LRRC57: variants seen among roughly 807,000 people sequenced by gnomAD.
LRRC57 encodes leucine rich repeat containing 57.
In LRRC57, 14 loss-of-function variants were observed where a neutral mutation model predicts 23.1. The observed-to-expected ratio is 0.61, with a 90% confidence interval of 0.40 to 0.95. The LOEUF is 0.95. Ranked by LOEUF, LRRC57 falls within the 40% of genes least tolerant of loss-of-function variation. The pLI, the probability that LRRC57 is intolerant of heterozygous loss-of-function variation, is 0.00. For synonymous variants in LRRC57, 106 were observed against 115.2 expected, an observed-to-expected ratio of 0.92 and a Z score of 0.51; for missense variants, 236 against 284.4, an observed-to-expected ratio of 0.83 and a Z score of 1.22.
downstream of LRRC57, among the ~76,000 whole-genome samples, chr15:42,536,377 G>T (rs1004531440): frequency 1.3e-5 from 2 of 152,178 alleles, no homozygotes; most frequent in African/African-American, 4.8e-5. Context: ...TGGTAACACA[G>T]GTAAAGCACT....
the LRRC57 span, among the ~76,000 whole-genome samples, chr15:42,530,995 C>T: frequency 6.6e-6 from 1 of 152,108 alleles, no homozygotes; most frequent in East Asian, 1.9e-4. Flanking sequence ...TCAGTCTCTC[C>T]AGGTTAGACT....
At position 42,545,081 on chromosome 15, in the gene LRRC57, T is replaced by C. The variant is rs1595539223; in HGVS notation, c.674A>G (p.Asp225Gly). Residue 225 changes from aspartate (D) to glycine (G), a missense_variant, in exon 5 of 6, where the codon GAT (aspartate) becomes GGT (glycine). By Grantham distance (94) the Asp-to-Gly change is moderately conservative (BLOSUM62 -1). Coordinates refer to ENST00000397130, the MANE Select transcript of LRRC57 (RefSeq NM_153260.3). ...IKKLRELEGY[D>G]KYMERFTATK... ...CAGAAGTACATTAATTCATACCTTA[T>C]CATAGCCTTCCAGTTCTCGAAGTTT... The C allele has an allele frequency of 6.3e-7, 1 of 1,594,290 alleles. No homozygotes were observed. The highest frequency in any genetic ancestry group is 8.5e-7 in the Non-Finnish European group (1 of 1,172,062).
At position 42,548,182 on chromosome 15, in the gene LRRC57, C is replaced by CTTGT; in HGVS notation, c.143_146dup (p.Ile50GlnfsTer31). On this transcript the variant is annotated frameshift_variant, in exon 3 of 6. Transcript: ENST00000397130. LOFTEE classifies it high-confidence loss of function. Reference sequence around the variant, plus strand: ...TCAGCAAAGGCGGTAGGCTTTCGATCTTGTTGTTGGACAAGTCGATGGTCC... The same window carrying CTTGT: ...TCAGCAAAGGCGGTAGGCTTTCGATCTTGTTTGTTGTTGGACAAGTCGATGGTCC... The CTTGT allele has an allele frequency of 6.2e-7, 1 of 1,614,232 alleles. No individual in the cohort carries two copies. Among genetic ancestry groups the CTTGT allele is most frequent in the Non-Finnish European group, 8.5e-7 (1 of 1,180,042 alleles).
In LRRC57 at chr15:42,539,896, T is replaced by G. The variant is rs1010387855; in HGVS notation, c.*4187A>C. 6.6e-6 allele frequency: 1 copy of G among 152,076 alleles called. No individual in the cohort carries two copies. The highest frequency in any genetic ancestry group is 3.4e-3 in the Middle Eastern group (1 of 290). The allele number at this position is 152,076 out of a possible 1,614,324, so 9.4% of individuals were successfully genotyped here. The stretch of plus-strand genomic sequence containing the variant: ...GGCTTAGACATACAGAATGAGCATA[T>G]TAATTAAGAGAGGGCAGGCTGGGCA... On this transcript the variant is annotated 3_prime_UTR_variant, in exon 6 of 6. Coordinates refer to ENST00000397130, the MANE Select transcript of LRRC57 (RefSeq NM_153260.3).
rs1419501651 is a variant in LRRC57, at chr15:42,543,414, A to G, written c.*669T>C. 1 of 151,748 alleles carries G rather than the reference A, an allele frequency of 6.6e-6. No individual in the cohort carries two copies. The highest frequency in any genetic ancestry group is 1.5e-5 in the Non-Finnish European group (1 of 67,936). 9.4% of individuals were successfully genotyped at this position (151,748 alleles called of 1,614,324 possible). A position where few individuals can be genotyped will look rare whatever the true frequency, so the allele number is the denominator to read the frequency against. ...AGGGTTTCCTCATGTTGGCCACGCT[A>G]GTCTTGAACTCCTAGCCTCAAGTGA... On this transcript the variant is annotated 3_prime_UTR_variant, in exon 6 of 6. Coordinates refer to ENST00000397130, the MANE Select transcript of LRRC57 (RefSeq NM_153260.3).
At chr15:42,531,237 A>G in the LRRC57 span, among the ~76,000 whole-genome samples, 1 of 152,216 alleles carries the variant, frequency 6.6e-6, no homozygotes, top group African/African-American at 2.4e-5. Flanking sequence ...TTTATATACC[A>G]GGGGTTTTCC....
chr15:42,529,253 CCT>C, the LRRC57 span, among the ~76,000 whole-genome samples: 2 of 152,172 alleles, frequency 1.3e-5, no homozygotes, highest in African/African-American at 4.8e-5. Flanking sequence ...AGTTTTCCAA[CCT>C]CTCTCTTAGG....
Position 42,539,626 on chromosome 15 carries a change from GAAA to G in LRRC57, c.*4454_*4456del, listed in dbSNP as rs960286261. On this transcript the variant is annotated 3_prime_UTR_variant, in exon 6 of 6. Coordinates refer to ENST00000397130, the MANE Select transcript of LRRC57 (RefSeq NM_153260.3). ...CACAGCAAGATCTGTCGCAAAAAAAGAAAAAAAAAATTAGGTGACTTGGACTAG... is the reference window on the plus strand; with the variant it reads ...CACAGCAAGATCTGTCGCAAAAAAAGAAAAAAATTAGGTGACTTGGACTAG... 1 of 148,900 alleles carries G rather than the reference GAAA, an allele frequency of 6.7e-6. No individual in the cohort carries two copies. The highest frequency in any genetic ancestry group is 1.5e-5 in the Non-Finnish European group (1 of 67,070). The allele number at this position is 148,900 out of a possible 1,614,324, so 9.2% of individuals were successfully genotyped here. A position where few individuals can be genotyped will look rare whatever the true frequency, so the allele number is the denominator to read the frequency against.
At chr15:42,544,841 A>AATATATATATATATAT (rs767685010) in intron 5 of LRRC57, among the ~76,000 whole-genome samples, 1 of 106,602 alleles carries the variant, frequency 9.4e-6, no homozygotes, top group Non-Finnish European at 1.9e-5. Flanking sequence ...ACACACACAC[A>AATATATATATATATAT]CTATATATAT....
rs2057635196 is a variant in LRRC57 at position 42,542,412 on chromosome 15, C to T, written c.*1671G>A. 1 of 152,216 alleles carries T rather than the reference C, an allele frequency of 6.6e-6. No homozygotes were observed. The highest frequency in any genetic ancestry group is 2.4e-5 in the African/African-American group (1 of 41,452). The allele number at this position is 152,216 out of a possible 1,614,324, so 9.4% of individuals were successfully genotyped here. A position where few individuals can be genotyped will look rare whatever the true frequency, so the allele number is the denominator to read the frequency against. On this transcript the variant is annotated 3_prime_UTR_variant, in exon 6 of 6. Coordinates refer to ENST00000397130, the MANE Select transcript of LRRC57 (RefSeq NM_153260.3). Reference sequence around the variant, plus strand: ...GTTTATGTCACATGAAGGCATTTCACTACTCATACAATCTGAACATAAGCA... The same window carrying T: ...GTTTATGTCACATGAAGGCATTTCATTACTCATACAATCTGAACATAAGCA...
chr15:42,543,986 A>G lies in LRRC57; in HGVS notation c.*97T>C. On this transcript the variant is annotated 3_prime_UTR_variant, in exon 6 of 6. Coordinates refer to ENST00000397130, the MANE Select transcript of LRRC57 (RefSeq NM_153260.3). The stretch of plus-strand genomic sequence containing the variant: ...TCCTGAAGTATCATCTCCTTACTGT[A>G]GATACCCCTAACAACAACAGGAGGC... The G allele has an allele frequency of 2.3e-6, 2 of 867,748 alleles. No homozygotes were observed. Among genetic ancestry groups the G allele is most frequent in the Non-Finnish European group, 1.9e-6 (1 of 528,328 alleles). 53.8% of individuals were successfully genotyped at this position (867,748 alleles called of 1,614,324 possible).
Position 42,544,055 on chromosome 15 carries a change from T to G in LRRC57, c.*28A>C. The G allele has an allele frequency of 6.2e-7, 1 of 1,607,414 alleles. No individual in the cohort carries two copies. Among genetic ancestry groups the G allele is most frequent in the Non-Finnish European group, 8.5e-7 (1 of 1,174,848 alleles). On this transcript the variant is annotated 3_prime_UTR_variant, in exon 6 of 6. Transcript: ENST00000397130. ...CAACAGAGGTTCTAAGTCAGTATCC[T>G]GTAAGGTTTCCATAGTCCTGGAGAA...
downstream of LRRC57, among the ~76,000 whole-genome samples, chr15:42,535,027 A>G (rs2057593463): frequency 6.6e-6 from 1 of 152,222 alleles, no homozygotes; most frequent in African/African-American, 2.4e-5. Flanking sequence ...CTAACAAGAG[A>G]GTCAGCCTGT....
rs1472463046 is a variant in LRRC57 at position 42,543,084 on chromosome 15, T to C, written c.*999A>G. 6.6e-6 allele frequency: 1 copy of C among 152,156 alleles called. No individual in the cohort carries two copies. Among genetic ancestry groups the C allele is most frequent in the Non-Finnish European group, 1.5e-5 (1 of 68,080 alleles). 9.4% of individuals were successfully genotyped at this position (152,156 alleles called of 1,614,324 possible). A position where few individuals can be genotyped will look rare whatever the true frequency, so the allele number is the denominator to read the frequency against. The stretch of plus-strand genomic sequence containing the variant: ...CAGGGTTTCACCATGTTGGCCAGGC[T>C]GGTCTCGAACTCCTAACCTCGTGAT... On this transcript the variant is annotated 3_prime_UTR_variant, in exon 6 of 6. Coordinates refer to ENST00000397130, the MANE Select transcript of LRRC57 (RefSeq NM_153260.3).
In LRRC57 at chr15:42,546,413, A is replaced by C. The variant is rs533061440; in HGVS notation, c.492+848T>G. Among the ~76,000 whole-genome samples the C allele has an allele frequency of 8.7e-4, 133 of 152,242 alleles. 1 individual carries two copies. The highest frequency in any genetic ancestry group is 3.1e-3 in the African/African-American group (128 of 41,540). On this transcript the variant is annotated intron_variant, in intron 4 of 5. Coordinates refer to ENST00000397130, the MANE Select transcript of LRRC57 (RefSeq NM_153260.3). ...TTGATTCAGTTTTTTTTTTCCCCCA[A>C]GAAGCTCTATAACATACAAGAATAT...
chr15:42,532,111 A>C, the LRRC57 span: 1 of 147,614 alleles, frequency 6.8e-6, no homozygotes, highest in African/African-American at 2.5e-5. Context: ...TTTTTTTTGG[A>C]GTCAGAGTCT....
chr15:42,535,757 A>G (rs1421965352), downstream of LRRC57, among the ~76,000 whole-genome samples: 1 of 152,126 alleles, frequency 6.6e-6, no homozygotes, highest in Non-Finnish European at 1.5e-5. Flanking sequence ...TTGCAGGGCT[A>G]TATATTGGCC....
chr15:42,547,323 G>A lies in LRRC57; in HGVS notation c.430C>T (p.Arg144Ter). The A allele has an allele frequency of 6.2e-7, 1 of 1,614,116 alleles. No homozygotes were observed. The highest frequency in any genetic ancestry group is 8.5e-7 in the Non-Finnish European group (1 of 1,180,026). ...TCTCCCACTGAGTCAGGTATACTTC[G>A]AATCTGGTTCTTAGAGAGATCCATC... ...DVMDLSKNQI[R>*]SIPDSVGELQ... The change falls in exon 4 of 6, where the codon CGA becomes TGA. Residue 144 changes from arginine (R) to a stop codon, truncating the protein, a stop_gained. Coordinates refer to ENST00000397130, the MANE Select transcript of LRRC57 (RefSeq NM_153260.3). LOFTEE classifies it high-confidence loss of function.
At position 42,538,162 on chromosome 15, in the gene LRRC57, A is replaced by T. The variant is rs183167887; in HGVS notation, c.*5921T>A. 1.1e-4 allele frequency: 17 copies of T among 152,292 alleles called. No homozygotes were observed. The highest frequency in any genetic ancestry group is 4.1e-4 in the African/African-American group (17 of 41,576). 9.4% of individuals were successfully genotyped at this position (152,292 alleles called of 1,614,324 possible). A position where few individuals can be genotyped will look rare whatever the true frequency, so the allele number is the denominator to read the frequency against. ...TCAGAATATCACAAGTACCCCATAA[A>T]TATGAACAAATATATATCAGAAAAA... On this transcript the variant is annotated 3_prime_UTR_variant, in exon 6 of 6. Transcript: ENST00000397130.
Sources: allele counts gnomAD v4.1 joint callset (sites outside exome capture counted in the v4.1 genomes callset), GRCh38; gene constraint gnomAD v4.1.1; transcripts MANE v1.5; gene names NCBI Gene and HGNC (gene_info 2026-07-23, HGNC 2026-07-21).